Variants in UBAP2 observed in about 807,000 individuals in gnomAD.
The protein encoded by UBAP2 is ubiquitin associated protein 2.
In UBAP2, 75 loss-of-function variants were observed where a neutral mutation model predicts 139.6. The observed-to-expected ratio is 0.54, with a 90% CI of 0.45 to 0.65. The LOEUF (loss-of-function observed/expected upper bound fraction) is 0.65. Among genes scored for constraint, UBAP2 ranks in the 30% least tolerant of loss-of-function variants. The pLI, the probability that UBAP2 is intolerant of heterozygous loss-of-function variation, is 0.00. For synonymous variants in UBAP2, 526 were observed against 526.2 expected (o/e 1.00, Z 0.01); for missense variants, 1,368 against 1,369.6 (o/e 1.00, Z 0.02).
chr9:33,937,755 CAA>C (rs34776998), intron 16 of UBAP2, among the ~76,000 whole-genome samples: 6 of 103,564 alleles, frequency 5.8e-5, no homozygotes, highest in Admixed American at 4.3e-4. Flanking sequence ...TTAAAAAATA[CAA>C]AAAAAAAAAA....
chr9:33,923,260 C>G lies in UBAP2; in HGVS notation c.2930G>C (p.Gly977Ala), dbSNP rs1259289850. Residue 977 changes from glycine to alanine, a missense_variant, in exon 26 of 29, where the codon GGA (glycine) becomes GCA (alanine). Physicochemically the swap from Gly to Ala is moderately conservative, Grantham distance 60. Transcript: ENST00000379238. ...AGCATAGCCACCTTTGGAGTAGTCT[C>G]CTGCTGCTGTCCCCTGGGTCAGGTC... Reference protein sequence around the residue: ...YDDLTQGTAAGDYSKGGYAGS... With the variant: ...YDDLTQGTAAADYSKGGYAGS... 2 of 1,614,190 alleles carry G rather than the reference C, an allele frequency of 1.2e-6. No individual in the cohort carries two copies. Among genetic ancestry groups the G allele is most frequent in the East Asian group, 2.2e-5 (1 of 44,882 alleles).
chr9:34,013,080 G>A (rs1472862903), intron 2 of UBAP2, among the ~76,000 whole-genome samples: 1 of 149,716 alleles, frequency 6.7e-6, no homozygotes, highest in East Asian at 1.9e-4. Flanking sequence ...CTTGAACCCA[G>A]GAGGCACAGT....
rs531322723 is a variant in UBAP2, at chr9:34,008,312, C to T, written c.99+8738G>A. ...CAGCGTGGGCAACAAGAGCGAAACT[C>T]CGTCTCAAAAAAAAAAAAAAAAAAG... On this transcript the variant is annotated intron_variant, in intron 2 of 28. Coordinates refer to ENST00000379238, the MANE Select transcript of UBAP2 (RefSeq NM_001370062.2). Among the ~76,000 whole-genome samples the T allele has an allele frequency of 2.0e-3, 244 of 121,236 alleles. 3 individuals are homozygous for T. Among genetic ancestry groups the T allele is most frequent in the African/African-American group, 7.8e-3 (221 of 28,360 alleles). The allele number at this position is 121,236 out of a possible 152,430, so 79.5% of individuals were successfully genotyped here.
rs1047000529 is a variant in UBAP2 at position 34,011,508 on chromosome 9, AT to A, written c.99+5541del. Reference sequence around the variant, plus strand: ...ATAAATTTTAATGAGAACTTTAAGTATTTTTTTTAACTTTATAAAATACCCT... The same window carrying A: ...ATAAATTTTAATGAGAACTTTAAGTATTTTTTTAACTTTATAAAATACCCT... On this transcript the variant is annotated intron_variant, in intron 2 of 28. Coordinates refer to ENST00000379238, the MANE Select transcript of UBAP2 (RefSeq NM_001370062.2). The A allele has an allele frequency of 2.0e-3, 925 of 473,318 alleles. 6 individuals carry two copies. Among genetic ancestry groups the A allele is most frequent in the African/African-American group, 0.012 (588 of 47,298 alleles). The allele number at this position is 473,318 out of a possible 1,614,324, so 29.3% of individuals were successfully genotyped here. A position where few individuals can be genotyped will look rare whatever the true frequency, so the allele number is the denominator to read the frequency against.
upstream of UBAP2, chr9:34,048,902 G>C (rs550687796): frequency 2.0e-5 from 3 of 152,290 alleles, no homozygotes; most frequent in Non-Finnish European, 2.9e-5. Flanking sequence ...CTTACAAAGC[G>C]GCGGCGGCGG....
chr9:33,982,090 G>T lies in UBAP2; in HGVS notation c.520+4670C>A, dbSNP rs576778279. Among the ~76,000 whole-genome samples, 13 of 152,052 alleles carry T rather than the reference G, an allele frequency of 8.5e-5. No homozygotes were observed. In the South Asian group the frequency reaches 1.9e-3, roughly 22 times the overall value. On this transcript the variant is annotated intron_variant, in intron 6 of 28. Transcript: ENST00000379238. ...GATCCCAAGACAGGCCCCACTCCTT[G>T]CAGTTGCTTTTTACAACTCTGAAGC...
chr9:34,034,985 T>C (rs1826205393), intron 1 of UBAP2, among the ~76,000 whole-genome samples: 1 of 152,148 alleles, frequency 6.6e-6, no homozygotes. Flanking sequence ...TGAAACTTCA[T>C]GTTCTATCTT....
At chr9:34,025,074 T>C (rs1361653998) in intron 1 of UBAP2, among the ~76,000 whole-genome samples, 9 of 151,942 alleles carry the variant, frequency 5.9e-5, no homozygotes, top group East Asian at 1.9e-4. Flanking sequence ...CCCTTAAAAA[T>C]TGTTACCACC....
At position 33,922,750 on chromosome 9, in the gene UBAP2, G is replaced by A; in HGVS notation, c.3201C>T (p.Ile1067=). The A allele has an allele frequency of 1.3e-6, 2 of 1,557,484 alleles. No homozygotes were observed. The highest frequency in any genetic ancestry group is 1.7e-6 in the Non-Finnish European group (2 of 1,152,446). ...PGYAPPPFLH[I]LPAHQQPHSQ... ...AGTGGGGCTGCTGGTGGGCTGGCAAGATGTGTAGGAATGGTGGGGGTGCAT... is the reference window on the plus strand; with the variant it reads ...AGTGGGGCTGCTGGTGGGCTGGCAAAATGTGTAGGAATGGTGGGGGTGCAT... The change falls in exon 28 of 29, where the codon ATC becomes ATT. Residue 1067 remains isoleucine, a synonymous_variant. Transcript: ENST00000379238.
chr9:33,953,909 C>CTT (rs879881127), intron 11 of UBAP2, among the ~76,000 whole-genome samples: 2 of 146,324 alleles, frequency 1.4e-5, no homozygotes, highest in Non-Finnish European at 1.5e-5. Flanking sequence ...ATAAGTTTCA[C>CTT]TTTTTTTTTT....
At chr9:33,953,194 A>G in intron 12 of UBAP2, 91 bp downstream of exon 12, 1 of 1,220,638 alleles carries the variant, frequency 8.2e-7, no homozygotes, top group Non-Finnish European at 1.1e-6. Context: ...TTATATTTAG[A>G]AAGTAATTAT....
At position 34,032,379 on chromosome 9, in the gene UBAP2, C is replaced by T. The variant is rs192097307; in HGVS notation, c.-41-15190G>A. 2.3e-3 allele frequency among the ~76,000 whole-genome samples: 350 copies of T among 152,280 alleles called. 1 individual carries two copies. The highest frequency in any genetic ancestry group is 3.9e-3 in the South Asian group (19 of 4,828). On this transcript the variant is annotated intron_variant, in intron 1 of 28. Coordinates refer to ENST00000379238, the MANE Select transcript of UBAP2 (RefSeq NM_001370062.2). ...TTCTGTCTTTATACACTCACACTCCCTCTGCCCTGAGTCTCCAGCTCTGCA... is the reference window on the plus strand; with the variant it reads ...TTCTGTCTTTATACACTCACACTCCTTCTGCCCTGAGTCTCCAGCTCTGCA...
chr9:33,960,006 T>C (rs1826910846), intron 10 of UBAP2, among the ~76,000 whole-genome samples: 1 of 152,138 alleles, frequency 6.6e-6, no homozygotes. Context: ...CGAATGATAA[T>C]GCAGCCTTGA....
intron 2 of UBAP2, among the ~76,000 whole-genome samples, chr9:34,013,566 A>G (rs1424904056): frequency 6.6e-6 from 1 of 152,082 alleles, no homozygotes; most frequent in East Asian, 1.9e-4. Flanking sequence ...AACACTGGAC[A>G]TTTAAAATTG....
intron 2 of UBAP2, among the ~76,000 whole-genome samples, chr9:34,011,830 T>C: frequency 6.6e-6 from 1 of 152,190 alleles, no homozygotes; most frequent in Admixed American, 6.6e-5. Context: ...TTCCTCTGGA[T>C]CTCTTACCCA....
At chr9:34,039,853 A>C (rs1826889673) in intron 1 of UBAP2, among the ~76,000 whole-genome samples, 1 of 113,360 alleles carries the variant, frequency 8.8e-6, no homozygotes, top group African/African-American at 4.1e-5. Context: ...ATACTAAAAA[A>C]AAAAAAAAAA....
At chr9:33,960,316 ATT>A (rs1826940916) in intron 10 of UBAP2, among the ~76,000 whole-genome samples, 1 of 152,152 alleles carries the variant, frequency 6.6e-6, no homozygotes, top group Non-Finnish European at 1.5e-5. Context: ...AAAAACAAAT[ATT>A]CTTAAAAATC....
Position 33,923,827 on chromosome 9 carries a change from G to A in UBAP2, c.2764C>T (p.Pro922Ser), listed in dbSNP as rs1023473884. 8.1e-6 allele frequency: 13 copies of A among 1,614,186 alleles called. No individual in the cohort carries two copies. Among genetic ancestry groups the A allele is most frequent in the African/African-American group, 2.7e-5 (2 of 75,042 alleles). Reference protein sequence around the residue: ...YTGLPYYTGMPSAFQYGPTMF... With the variant: ...YTGLPYYTGMSSAFQYGPTMF... Reference sequence around the variant, plus strand: ...GTGGGGCCATACTGGAAGGCACTGGGCATGCCTGTGTAGTAGGGAAGACCA... The same window carrying A: ...GTGGGGCCATACTGGAAGGCACTGGACATGCCTGTGTAGTAGGGAAGACCA... Residue 922 changes from proline to serine, a missense_variant, in exon 24 of 29, where the codon CCC (proline) becomes TCC (serine). Physicochemically the swap from Pro to Ser is moderately conservative, Grantham distance 74. Coordinates refer to ENST00000379238, the MANE Select transcript of UBAP2 (RefSeq NM_001370062.2).
chr9:33,933,057 C>T (rs972902841), intron 18 of UBAP2, among the ~76,000 whole-genome samples: 3 of 152,322 alleles, frequency 2.0e-5, no homozygotes, highest in East Asian at 1.9e-4. Context: ...CAGGTAGCAA[C>T]GCCACCCATT....
Sources: gnomAD v4.1 joint callset for allele counts (sites outside exome capture counted in the v4.1 genomes callset) on GRCh38, gnomAD v4.1.1 for gene constraint, MANE v1.5 for transcripts, NCBI Gene and HGNC (gene_info 2026-07-23, HGNC 2026-07-21) for gene names.